LEMD1: variants seen among roughly 807,000 people sequenced by gnomAD.
LEMD1 encodes LEM domain containing 1.
LEMD1 carries 18 observed loss-of-function variants against 17.4 expected under a neutral mutation model. The ratio of observed to expected loss-of-function variants is 1.04; its 90% CI spans 0.72 to 1.54. The LOEUF (loss-of-function observed/expected upper bound fraction) is 1.54, where lower values mean the gene tolerates loss of function less well. Among genes scored for constraint, LEMD1 ranks in the 40% most tolerant of loss-of-function variants. LEMD1 has a pLI of 0.00. For missense variants in LEMD1, 195 were observed against 210.4 expected (o/e 0.93, Z 0.45); for synonymous variants, 88 against 77.8 (o/e 1.13, Z -0.69).
intron 4 of LEMD1, among the ~76,000 whole-genome samples, chr1:205,390,912 T>C (rs1664298385): frequency 6.6e-6 from 1 of 152,086 alleles, no homozygotes. Flanking sequence ...AGCAGGGGAT[T>C]CCAAAAGGGG....
intron 4 of LEMD1, among the ~76,000 whole-genome samples, chr1:205,390,952 T>C (rs1183432385): frequency 6.6e-6 from 1 of 152,138 alleles, no homozygotes; most frequent in Non-Finnish European, 1.5e-5. Context: ...TGAAAACACA[T>C]GTTTATGTTT....
chr1:205,416,569 G>A (rs1402698763), intron 3 of LEMD1, among the ~76,000 whole-genome samples: 2 of 152,172 alleles, frequency 1.3e-5, no homozygotes, highest in Non-Finnish European at 2.9e-5. Context: ...CTGGGCAGCT[G>A]TTTGCAGTCT....
chr1:205,395,760 C>T (rs762454689), intron 4 of LEMD1, among the ~76,000 whole-genome samples: 29 of 151,858 alleles, frequency 1.9e-4, no homozygotes, highest in Non-Finnish European at 3.5e-4. Flanking sequence ...TTGGTAACCA[C>T]AATATATAAC....
chr1:205,398,072 G>A (rs1225640679), intron 4 of LEMD1, among the ~76,000 whole-genome samples: 1 of 152,124 alleles, frequency 6.6e-6, no homozygotes, highest in Non-Finnish European at 1.5e-5. Context: ...CTACCAGGAG[G>A]TCAATATTTT....
chr1:205,420,721 T>G, intron 1 of LEMD1, 147 bp from the exon 2 acceptor site: 1 of 584,690 alleles, frequency 1.7e-6, no homozygotes, highest in South Asian at 2.0e-5. Context: ...TTTCTAGTTC[T>G]GCCATAAATC....
chr1:205,410,455 C>T (rs928381522), intron 4 of LEMD1, among the ~76,000 whole-genome samples: 3 of 152,164 alleles, frequency 2.0e-5, no homozygotes, highest in African/African-American at 7.2e-5. Flanking sequence ...CATCATCTCT[C>T]AAGAGACTAC....
intron 1 of LEMD1, chr1:205,435,109 G>A (rs1059657): frequency 0.65 from 99,023 of 152,134 alleles, 35,203 homozygotes; most frequent in East Asian, 0.91. Context: ...CAGTGCAGGA[G>A]TTTAGCATGA....
At chr1:205,421,454 G>T (rs1203182216) in intron 1 of LEMD1, among the ~76,000 whole-genome samples, 1 of 152,188 alleles carries the variant, frequency 6.6e-6, no homozygotes. Flanking sequence ...AGCATAGGAG[G>T]ATCTAGACCA....
At chr1:205,397,125 T>A (rs961664949) in intron 4 of LEMD1, among the ~76,000 whole-genome samples, 1 of 152,102 alleles carries the variant, frequency 6.6e-6, no homozygotes, top group Non-Finnish European at 1.5e-5. Context: ...TACGTAGCAA[T>A]CATCAGAAAG....
At chr1:205,406,479 C>G (rs1328343751) in intron 4 of LEMD1, among the ~76,000 whole-genome samples, 4 of 152,232 alleles carry the variant, frequency 2.6e-5, no homozygotes, top group Non-Finnish European at 5.9e-5. Flanking sequence ...TAGCAATCAG[C>G]GAGACTCTGT....
chr1:205,382,993 T>A (rs948207290), intron 5 of LEMD1, among the ~76,000 whole-genome samples: 4 of 152,352 alleles, frequency 2.6e-5, no homozygotes, highest in African/African-American at 9.6e-5. Context: ...CAATTGCCTG[T>A]CTTGAGCTTT....
chr1:205,388,209 T>C (rs1159931895), intron 4 of LEMD1, among the ~76,000 whole-genome samples: 1 of 152,124 alleles, frequency 6.6e-6, no homozygotes, highest in East Asian at 1.9e-4. Context: ...TTTCTTTTTT[T>C]TTTTTTTGTG....
chr1:205,381,758 T>A lies in LEMD1; in HGVS notation c.446A>T (p.Glu149Val). 1 of 1,614,164 alleles carries A rather than the reference T, an allele frequency of 6.2e-7. No individual in the cohort carries two copies. The highest frequency in any genetic ancestry group is 1.1e-5 in the South Asian group (1 of 91,076). ...AEDQTIESWR[E>V]EGFPVGLKLA... ...CTTCAAGCCCACTGGGAAACCTTCT[T>A]CTCTCCAGCTCTCGATAGTCTGGTC... Residue 149 changes from glutamate (E) to valine (V), a missense_variant, in exon 6 of 6, where the codon GAA (glutamate) becomes GTA (valine). Coordinates refer to ENST00000367153, the MANE Select transcript of LEMD1 (RefSeq NM_001199050.2).
chr1:205,415,412 C>A (rs1046652016), intron 4 of LEMD1, among the ~76,000 whole-genome samples: 8 of 152,052 alleles, frequency 5.3e-5, no homozygotes, highest in Non-Finnish European at 1.2e-4. Context: ...AGGAGGAGGT[C>A]TCAGGCACAG....
At chr1:205,446,236 G>C (rs1666386166) in intron 1 of LEMD1, among the ~76,000 whole-genome samples, 1 of 152,208 alleles carries the variant, frequency 6.6e-6, no homozygotes, top group South Asian at 2.1e-4. Flanking sequence ...GTAGCCAAGA[G>C]ACAAAGAATA....
chr1:205,415,007 A>G (rs1386772290), intron 4 of LEMD1, among the ~76,000 whole-genome samples: 2 of 152,136 alleles, frequency 1.3e-5, no homozygotes, highest in African/African-American at 4.8e-5. Context: ...TTTGTATGTG[A>G]AGAGCTGCAG....
At chr1:205,426,594 C>T (rs911126899), upstream of LEMD1, among the ~76,000 whole-genome samples, 2 of 152,244 alleles carry the variant, frequency 1.3e-5, no homozygotes, top group East Asian at 3.9e-4. Flanking sequence ...GCATCGTAGG[C>T]AAAGGCATAT....
intron 1 of LEMD1, among the ~76,000 whole-genome samples, chr1:205,433,830 AAAC>A (rs1397182513): frequency 1.3e-5 from 2 of 151,878 alleles, no homozygotes; most frequent in East Asian, 3.8e-4. Flanking sequence ...CCACCGCTCT[AAAC>A]AACAGCTGCC....
At chr1:205,434,352 T>A (rs1458933587) in intron 1 of LEMD1, among the ~76,000 whole-genome samples, 2 of 142,988 alleles carry the variant, frequency 1.4e-5, no homozygotes, top group South Asian at 2.2e-4. Flanking sequence ...AAAAAAAATA[T>A]ATATATATAT....
Sources: allele counts gnomAD v4.1 joint callset (sites outside exome capture counted in the v4.1 genomes callset), GRCh38; gene constraint gnomAD v4.1.1; transcripts MANE v1.5; gene names NCBI Gene and HGNC (gene_info 2026-07-23, HGNC 2026-07-21).